Variants in PKD2 observed in about 807,000 individuals in gnomAD.
The protein encoded by PKD2 is polycystin 2, transient receptor potential cation channel.
Under a neutral mutation model 105.9 loss-of-function variants are expected in PKD2, and 48 were observed. That is an observed-to-expected ratio of 0.45 (90% confidence interval 0.36 to 0.58). The LOEUF is 0.58. Among genes scored for constraint, PKD2 ranks in the 20% least tolerant of loss-of-function variants. The pLI, the probability that PKD2 is intolerant of heterozygous loss-of-function variation, is 0.00. For missense variants in PKD2, 1,078 were observed against 1,255.3 expected (o/e 0.86, Z 2.13); for synonymous variants, 464 against 481.1 (o/e 0.96, Z 0.46).
chr4:88,008,474 C>G, intron 1 of PKD2, 146 bp downstream of exon 1: 2 of 1,060,386 alleles, frequency 1.9e-6, no homozygotes, highest in South Asian at 4.1e-5. Context: ...TCCCCACCTC[C>G]GCTAGTGCTG....
rs765299685 is a variant in PKD2 at position 88,067,909 on chromosome 4, T to C, written c.2370T>C (p.Asp790=). The C allele has an allele frequency of 4.3e-6, 7 of 1,613,874 alleles. No homozygotes were observed. Among genetic ancestry groups the C allele is most frequent in the Non-Finnish European group, 5.9e-6 (7 of 1,179,926 alleles). Residue 790 remains aspartate, a synonymous_variant, in exon 13 of 15, where the codon GAT becomes GAC. Transcript: ENST00000237596. The part of the protein sequence containing the change: ...DDLEKEREDL[D]LDHSSLPRPM... The stretch of plus-strand genomic sequence containing the variant: ...CCCTTGTTCTTCAGGAGGACCTGGA[T>C]TTGGATCACAGTTCTTTACCACGTC...
chr4:88,075,280 A>G (rs896805192), intron 14 of PKD2, among the ~76,000 whole-genome samples, 178 bp from the exon 15 acceptor site: 1 of 152,200 alleles, frequency 6.6e-6, no homozygotes, highest in Middle Eastern at 3.2e-3. Context: ...CCATATGCTA[A>G]TGGTCCTGCC....
chr4:88,017,814 T>C (rs999415590), intron 1 of PKD2, among the ~76,000 whole-genome samples: 4 of 152,198 alleles, frequency 2.6e-5, no homozygotes, highest in Non-Finnish European at 2.9e-5. Flanking sequence ...TGCCTAGTTG[T>C]TTATAAACCA....
At chr4:88,047,633 A>G (rs1391401646) in intron 6 of PKD2, among the ~76,000 whole-genome samples, 1 of 152,154 alleles carries the variant, frequency 6.6e-6, no homozygotes, top group Non-Finnish European at 1.5e-5. Context: ...GCAGTTTAAA[A>G]TTTTCTGCAA....
intron 1 of PKD2, among the ~76,000 whole-genome samples, chr4:88,012,749 C>T (rs547032124): frequency 1.4e-4 from 22 of 152,190 alleles, no homozygotes; most frequent in African/African-American, 4.8e-4. Context: ...TTGCCCCAGA[C>T]GCTAGTAACC....
intron 13 of PKD2, among the ~76,000 whole-genome samples, chr4:88,073,064 A>G (rs1343666845): frequency 1.4e-5 from 2 of 141,678 alleles, no homozygotes; most frequent in Non-Finnish European, 3.0e-5. Context: ...GAGTAGGAAC[A>G]TTGAGGCTGG....
In PKD2 at chr4:88,056,227, G is replaced by A. The variant is rs1486896685; in HGVS notation, c.1858G>A (p.Gly620Ser). The part of the protein sequence containing the change: ...AYAQLAYLVF[G>S]TQVDDFSTFQ... Reference sequence around the variant, plus strand: ...TGCTCAGTTGGCATACCTTGTCTTTGGCACTCAGGTCGATGACTTCAGTAC... The same window carrying A: ...TGCTCAGTTGGCATACCTTGTCTTTAGCACTCAGGTCGATGACTTCAGTAC... The change falls in exon 8 of 15, where the codon GGC becomes AGC. Residue 620 changes from glycine to serine, a missense_variant. By Grantham distance (56) the Gly-to-Ser change is moderately conservative (BLOSUM62 0). Transcript: ENST00000237596. The A allele has an allele frequency of 6.2e-7, 1 of 1,613,528 alleles. No homozygotes were observed. The highest frequency in any genetic ancestry group is 1.1e-5 in the South Asian group (1 of 91,062).
chr4:88,077,629 C>G lies in PKD2; in HGVS notation c.*1935C>G, dbSNP rs929155357. ...TTTCTTCTTTAGTCATGGAGAACTC[C>G]CCCCCTCATCTCTTCCCTATTATCT... is the stretch of plus-strand genomic sequence containing the variant. On this transcript the variant is annotated 3_prime_UTR_variant, in exon 15 of 15. Coordinates refer to ENST00000237596, the MANE Select transcript of PKD2 (RefSeq NM_000297.4). The G allele has an allele frequency of 2.0e-5, 3 of 152,244 alleles. No homozygotes were observed. The highest frequency in any genetic ancestry group is 4.4e-5 in the Non-Finnish European group (3 of 68,010). The allele number at this position is 152,244 out of a possible 1,614,324, so 9.4% of individuals were successfully genotyped here. A position where few individuals can be genotyped will look rare whatever the true frequency, so the allele number is the denominator to read the frequency against.
chr4:88,067,407 C>T (rs1156393510), intron 12 of PKD2, among the ~76,000 whole-genome samples: 1 of 152,140 alleles, frequency 6.6e-6, no homozygotes, highest in Non-Finnish European at 1.5e-5. Context: ...ACTGCAGCCT[C>T]AAACTCCTAG....
intron 1 of PKD2, among the ~76,000 whole-genome samples, chr4:88,015,673 C>T (rs1171382821): frequency 5.9e-5 from 9 of 152,208 alleles, no homozygotes; most frequent in Non-Finnish European, 5.9e-5. Context: ...CCACCCACCT[C>T]GGCCTCCCAG....
chr4:88,035,481 G>T (rs1228722745), intron 2 of PKD2, among the ~76,000 whole-genome samples: 1 of 152,138 alleles, frequency 6.6e-6, no homozygotes, highest in Non-Finnish European at 1.5e-5. Flanking sequence ...CACTCAAAAA[G>T]TTACTACCTC....
chr4:88,043,204 G>C (rs374652472), intron 4 of PKD2, 29 bp from the exon 5 acceptor site: 352 of 1,396,520 alleles, frequency 2.5e-4, no homozygotes, highest in Non-Finnish European at 3.5e-4. Context: ...GATTGTAACT[G>C]TTTGTTTTTT....
intron 1 of PKD2, 87 bp downstream of exon 1, chr4:88,008,415 G>C (rs1359275991): frequency 2.1e-6 from 3 of 1,433,796 alleles, no homozygotes; most frequent in East Asian, 5.6e-5. Flanking sequence ...GCAGCTCCCC[G>C]GGCTCCATCT....
intron 4 of PKD2, among the ~76,000 whole-genome samples, chr4:88,042,408 A>G (rs1009145525): frequency 1.3e-5 from 2 of 152,148 alleles, no homozygotes; most frequent in African/African-American, 2.4e-5. Context: ...ATTACCTCCT[A>G]CCGGGTTTCT....
intron 9 of PKD2, among the ~76,000 whole-genome samples, chr4:88,059,106 G>A (rs1460731151): frequency 1.3e-5 from 2 of 152,064 alleles, no homozygotes; most frequent in Non-Finnish European, 2.9e-5. Flanking sequence ...TATTGATTGG[G>A]TATTAGATGT....
At chr4:88,010,867 G>T (rs1726360467) in intron 1 of PKD2, among the ~76,000 whole-genome samples, 1 of 152,228 alleles carries the variant, frequency 6.6e-6, no homozygotes, top group Admixed American at 6.5e-5. Context: ...AGTAAAGAAA[G>T]AAGACATGTT....
At chr4:88,061,609 ATG>A (rs1443366559) in intron 9 of PKD2, among the ~76,000 whole-genome samples, 7 of 151,992 alleles carry the variant, frequency 4.6e-5, no homozygotes, top group Non-Finnish European at 1.0e-4. Flanking sequence ...GTAGTGGCAC[ATG>A]CCTGTAATCC....
At chr4:88,057,227 A>G (rs906943922) in intron 8 of PKD2, among the ~76,000 whole-genome samples, 1 of 151,602 alleles carries the variant, frequency 6.6e-6, no homozygotes, top group Non-Finnish European at 1.5e-5. Flanking sequence ...AGGGCCTCAC[A>G]CTGTCCTCTC....
intron 10 of PKD2, among the ~76,000 whole-genome samples, chr4:88,063,194 A>G (rs1219386692): frequency 6.6e-6 from 1 of 152,226 alleles, no homozygotes; most frequent in Non-Finnish European, 1.5e-5. Context: ...GAAAGCATGT[A>G]GTGTTGCTTC....
Sources: gnomAD v4.1 joint callset for allele counts (sites outside exome capture counted in the v4.1 genomes callset) on GRCh38, gnomAD v4.1.1 for gene constraint, MANE v1.5 for transcripts, NCBI Gene and HGNC (gene_info 2026-07-23, HGNC 2026-07-21) for gene names.